Variants in CD58 observed in about 807,000 individuals in gnomAD.
The protein encoded by CD58 is CD58 molecule, also known as lymphocyte function-associated antigen 3.
A neutral mutation model predicts 27.6 loss-of-function variants in CD58; 14 were observed. The ratio of observed to expected loss-of-function variants is 0.51; its 90% CI spans 0.34 to 0.79. The LOEUF (loss-of-function observed/expected upper bound fraction) is 0.79, where lower values mean the gene tolerates loss of function less well. Ranked by LOEUF, CD58 falls within the 30% of genes least tolerant of loss-of-function variation. CD58 has a pLI of 0.02. For missense variants in CD58, 268 were observed against 301.7 expected (o/e 0.89, Z 0.83); for synonymous variants, 117 against 103.8 (o/e 1.13, Z -0.77).
intron 1 of CD58, among the ~76,000 whole-genome samples, chr1:116,566,736 A>T (rs1361461977): frequency 1.3e-5 from 2 of 152,214 alleles, no homozygotes; most frequent in Non-Finnish European, 2.9e-5. Context: ...TTTAAAAAAG[A>T]ATCCATGAGT....
At position 116,538,292 on chromosome 1, in the gene CD58, A is replaced by C. The variant is rs1435160405; in HGVS notation, c.365-2064T>G. On this transcript the variant is annotated intron_variant, in intron 2 of 5. Coordinates refer to ENST00000369489, the MANE Select transcript of CD58 (RefSeq NM_001779.3). This position sits in a 1 kb window ranked among gnomAD's most constrained non-coding sequence, Gnocchi z 4.7. Reference sequence around the variant, plus strand: ...ATAAGAAGTTGCTCTAGTTGACTCAAAATTGAAAGCCTAGAGCCCTGCTCT... The same window carrying C: ...ATAAGAAGTTGCTCTAGTTGACTCACAATTGAAAGCCTAGAGCCCTGCTCT... Among the ~76,000 whole-genome samples the C allele has an allele frequency of 6.6e-6, 1 of 152,212 alleles. No individual in the cohort carries two copies. Among genetic ancestry groups the C allele is most frequent in the East Asian group, 1.9e-4 (1 of 5,198 alleles).
intron 2 of CD58, among the ~76,000 whole-genome samples, chr1:116,537,581 C>T (rs1657853886): frequency 6.6e-6 from 1 of 152,180 alleles, no homozygotes. Flanking sequence ...CCAGAGGCCT[C>T]ACTCCCACCC....
In CD58 at chr1:116,531,467, G is replaced by A. The variant is rs1319041131; in HGVS notation, c.628+4498C>T. Among the ~76,000 whole-genome samples, 1 of 152,024 alleles carries A rather than the reference G, an allele frequency of 6.6e-6. No homozygotes were observed. Among genetic ancestry groups the A allele is most frequent in the Non-Finnish European group, 1.5e-5 (1 of 68,006 alleles). On this transcript the variant is annotated intron_variant, in intron 3 of 5. Coordinates refer to ENST00000369489, the MANE Select transcript of CD58 (RefSeq NM_001779.3). The surrounding 1 kb of genome is among the most constrained non-coding windows in gnomAD (Gnocchi z 4.5). ...CAAAAGCACACTGGTTTTATTTTTT[G>A]TTGTTCCCATTATAAAGCAACTATC...
Position 116,536,868 on chromosome 1 carries a change from T to A in CD58, c.365-640A>T, listed in dbSNP as rs971101841. On this transcript the variant is annotated intron_variant, in intron 2 of 5. Coordinates refer to ENST00000369489, the MANE Select transcript of CD58 (RefSeq NM_001779.3). The surrounding 1 kb of genome is among the most constrained non-coding windows in gnomAD (Gnocchi z 5.4). ...TCTTCGCAAGTTGGTAGCAAAATCG[T>A]TTAGCTGCAAATCCTGACCTGACCT... Among the ~76,000 whole-genome samples, 3 of 152,204 alleles carry A rather than the reference T, an allele frequency of 2.0e-5. No homozygotes were observed. The highest frequency in any genetic ancestry group is 7.2e-5 in the African/African-American group (3 of 41,444).
Position 116,532,883 on chromosome 1 carries a change from G to T in CD58, c.628+3082C>A, listed in dbSNP as rs1034919. On this transcript the variant is annotated intron_variant, in intron 3 of 5. Coordinates refer to ENST00000369489, the MANE Select transcript of CD58 (RefSeq NM_001779.3). This position sits in a 1 kb window ranked among gnomAD's most constrained non-coding sequence, Gnocchi z 5.1. ...CATGCGGCAAAGACTGAGGCCTCCC[G>T]CTACAGGCCCGGAGTCGCGACAGCC... 5.4e-6 allele frequency: 4 copies of T among 746,114 alleles called. No homozygotes were observed. Among genetic ancestry groups the T allele is most frequent in the Non-Finnish European group, 9.1e-6 (4 of 439,738 alleles). The allele number at this position is 746,114 out of a possible 1,614,324, so 46.2% of individuals were successfully genotyped here.
At position 116,552,880 on chromosome 1, in the gene CD58, A is replaced by AT. The variant is rs35275493; in HGVS notation, c.71-8277dup. ...AGTTGCTACATCAAAAGGTAAATAG[A>AT]TTTTTTTTATTTTAATAGAAGTTGC... On this transcript the variant is annotated intron_variant, in intron 1 of 5. Transcript: ENST00000369489. This position sits in a 1 kb window ranked among gnomAD's most constrained non-coding sequence, Gnocchi z 4.5. 0.16 allele frequency among the ~76,000 whole-genome samples: 23,732 copies of AT among 151,970 alleles called. 2,797 individuals are homozygous for AT. The highest frequency in any genetic ancestry group is 0.6 in the East Asian group (3,101 of 5,150).
intron 1 of CD58, among the ~76,000 whole-genome samples, chr1:116,569,316 C>T (rs181551064): frequency 1.2e-3 from 182 of 152,336 alleles, no homozygotes; most frequent in South Asian, 7.1e-3. Context: ...GCCTCCAATT[C>T]CTCCTGACTG....
At chr1:116,518,921 A>G (rs910857692) in intron 5 of CD58, 1 of 1,045,556 alleles carries the variant, frequency 9.6e-7, no homozygotes, top group Non-Finnish European at 1.2e-6. Flanking sequence ...ACTTACTAGC[A>G]ACGTGACTTT....
chr1:116,564,265 T>C (rs1259383199), intron 1 of CD58, among the ~76,000 whole-genome samples: 1 of 152,176 alleles, frequency 6.6e-6, no homozygotes, highest in Admixed American at 6.6e-5. Context: ...CCATCTGAGA[T>C]GAGCAGCATT....
chr1:116,565,487 C>T (rs1412003652), intron 1 of CD58, among the ~76,000 whole-genome samples: 1 of 152,128 alleles, frequency 6.6e-6, no homozygotes, highest in Non-Finnish European at 1.5e-5. Flanking sequence ...CTATGTAATA[C>T]TAACCAGCAG....
chr1:116,568,075 A>AT (rs386368172), intron 1 of CD58, among the ~76,000 whole-genome samples: 1 of 150,302 alleles, frequency 6.7e-6, no homozygotes, highest in Non-Finnish European at 1.5e-5. Flanking sequence ...AAAAAAAAAA[A>AT]GCAACAGTTT....
Position 116,519,841 on chromosome 1 carries a change from C to T in CD58, c.707-574G>A, listed in dbSNP as rs1657212911. ...TCAAGTGCTCCATAGCCACATGTAG[C>T]TCATGGCTACTATTTCAGACATTAA... On this transcript the variant is annotated intron_variant, in intron 4 of 5. Coordinates refer to ENST00000369489, the MANE Select transcript of CD58 (RefSeq NM_001779.3). The surrounding 1 kb of genome is among the most constrained non-coding windows in gnomAD (Gnocchi z 4.7). Among the ~76,000 whole-genome samples the T allele has an allele frequency of 6.6e-6, 1 of 152,200 alleles. No individual in the cohort carries two copies. Among genetic ancestry groups the T allele is most frequent in the African/African-American group, 2.4e-5 (1 of 41,444 alleles).
At chr1:116,530,292 G>A (rs946839476) in intron 3 of CD58, among the ~76,000 whole-genome samples, 1 of 150,668 alleles carries the variant, frequency 6.6e-6, no homozygotes, top group African/African-American at 2.4e-5. Context: ...TGCCAGCTCC[G>A]CCTCCCGGGT....
chr1:116,543,624 G>T (rs1658062949), intron 2 of CD58, among the ~76,000 whole-genome samples: 1 of 152,094 alleles, frequency 6.6e-6, no homozygotes, highest in African/African-American at 2.4e-5. Flanking sequence ...TCTAGTTTCA[G>T]TTTAAAATGG....
In CD58 at chr1:116,516,207, G is replaced by A. The variant is rs1657081069; in HGVS notation, c.744-1385C>T. Among the ~76,000 whole-genome samples the A allele has an allele frequency of 6.6e-6, 1 of 152,064 alleles. No individual in the cohort carries two copies. The highest frequency in any genetic ancestry group is 1.5e-5 in the Non-Finnish European group (1 of 68,002). On this transcript the variant is annotated intron_variant, in intron 5 of 5. Coordinates refer to ENST00000369489, the MANE Select transcript of CD58 (RefSeq NM_001779.3). The surrounding 1 kb of genome is among the most constrained non-coding windows in gnomAD (Gnocchi z 6.1). ...CCATACCCAGCTTCATAACCCTTTA[G>A]TAACTGAGCTTAGAGAATTCCCCCT...
chr1:116,565,953 G>C (rs1176444335), intron 1 of CD58, among the ~76,000 whole-genome samples: 1 of 152,140 alleles, frequency 6.6e-6, no homozygotes, highest in African/African-American at 2.4e-5. Flanking sequence ...TCCTGACCTT[G>C]TGATCCGCCC....
chr1:116,525,291 A>C (rs1038473696), intron 3 of CD58, among the ~76,000 whole-genome samples: 1 of 152,210 alleles, frequency 6.6e-6, no homozygotes, highest in Admixed American at 6.5e-5. Flanking sequence ...TTTGCATAGC[A>C]TGTAGCCTGT....
At chr1:116,548,734 T>C (rs1003425498) in intron 1 of CD58, among the ~76,000 whole-genome samples, 13 of 152,230 alleles carry the variant, frequency 8.5e-5, no homozygotes, top group African/African-American at 2.9e-4. Context: ...GGGTCAACTA[T>C]AATTTTGAAC....
chr1:116,564,547 G>GT (rs1181007358), intron 1 of CD58, among the ~76,000 whole-genome samples: 1 of 152,174 alleles, frequency 6.6e-6, no homozygotes, highest in African/African-American at 2.4e-5. Context: ...ACCTGGCCAG[G>GT]GAGGCCCCAC....
Sources: gnomAD v4.1 joint callset for allele counts (sites outside exome capture counted in the v4.1 genomes callset) on GRCh38, gnomAD v4.1.1 for gene constraint, Gnocchi (gnomAD v3.1) non-coding constraint, MANE v1.5 for transcripts, NCBI Gene and HGNC (gene_info 2026-07-23, HGNC 2026-07-21) for gene names.